DHX33: variants seen among roughly 807,000 people sequenced by gnomAD.
The protein encoded by DHX33 is DEAH-box helicase 33.
A neutral mutation model predicts 72.5 loss-of-function variants in DHX33; 42 were observed. The observed-to-expected ratio is 0.58, with a 90% CI of 0.45 to 0.75. The LOEUF (loss-of-function observed/expected upper bound fraction) is 0.75, where lower values mean the gene tolerates loss of function less well. DHX33 is among the 30% of genes least tolerant of loss of function. The pLI, the probability that DHX33 is intolerant of heterozygous loss-of-function variation, is 0.00. For synonymous variants in DHX33, 358 were observed against 366.1 expected, an observed-to-expected ratio of 0.98 and a Z score of 0.25; for missense variants, 842 against 917.5, an observed-to-expected ratio of 0.92 and a Z score of 1.06.
chr17:5,456,066 C>A lies in DHX33; in HGVS notation c.966G>T (p.Met322Ile). ...AKHLPDGCPA[M>I]LVLPLYASLP... ...GGGAGGCGTACAGAGGAAGGACCAG[C>A]ATCGCAGGGCAGCCGTCTGGGAGGT... Residue 322 changes from methionine to isoleucine, a missense_variant, in exon 5 of 12, where the codon ATG becomes ATT. Transcript: ENST00000225296. The A allele has an allele frequency of 6.2e-7, 1 of 1,613,730 alleles. No homozygotes were observed. Among genetic ancestry groups the A allele is most frequent in the Non-Finnish European group, 8.5e-7 (1 of 1,180,030 alleles).
intron 11 of DHX33, among the ~76,000 whole-genome samples, chr17:5,446,841 A>C (rs1488044496): frequency 6.6e-6 from 1 of 152,264 alleles, no homozygotes; most frequent in Non-Finnish European, 1.5e-5. Flanking sequence ...GAGAAAACTT[A>C]TGAAGCCAAG....
chr17:5,452,659 A>T (rs1916993149), intron 8 of DHX33, among the ~76,000 whole-genome samples: 1 of 152,224 alleles, frequency 6.6e-6, no homozygotes, highest in South Asian at 2.1e-4. Context: ...TTGAGGCTGC[A>T]GTGTGCTGAG....
chr17:5,456,015 G>A lies in DHX33; in HGVS notation c.1017C>T (p.Val339=). ...CACTCACCTTTGGGGCCCCTTGGAA[G>A]ACTCGGAGCTGCTGTGCATAGGGCA... ...ASLPYAQQLR[V]FQGAPKGYRK... The change falls in exon 5 of 12, where the codon GTC becomes GTT. Residue 339 remains valine, a synonymous_variant. Coordinates refer to ENST00000225296, the MANE Select transcript of DHX33 (RefSeq NM_020162.4). 1.9e-6 allele frequency: 3 copies of A among 1,612,542 alleles called. No individual in the cohort carries two copies. The highest frequency in any genetic ancestry group is 2.5e-6 in the Non-Finnish European group (3 of 1,179,942).
At chr17:5,462,765 C>T (rs746287652) in intron 2 of DHX33, among the ~76,000 whole-genome samples, 3 of 152,046 alleles carry the variant, frequency 2.0e-5, no homozygotes, top group Non-Finnish European at 4.4e-5. Flanking sequence ...TAAAATTAAC[C>T]TTCTACCTCA....
chr17:5,455,222 G>A lies in DHX33; in HGVS notation c.1085C>T (p.Thr362Ile). ...AACTACATATTTTATTCCTGTAATG[G>A]TTATGGAGGTTTCAGCGATGTTGGT... Reference protein sequence around the residue: ...ISTNIAETSITITGIKYVVDT... With the variant: ...ISTNIAETSIIITGIKYVVDT... Residue 362 changes from threonine to isoleucine, a missense_variant, in exon 6 of 12, where the codon ACC becomes ATC. Physicochemically the swap from Thr to Ile is moderately conservative, Grantham distance 89 (BLOSUM62 -1). Transcript: ENST00000225296. 6.2e-7 allele frequency: 1 copy of A among 1,614,144 alleles called. No individual in the cohort carries two copies. Among genetic ancestry groups the A allele is most frequent in the Non-Finnish European group, 8.5e-7 (1 of 1,180,032 alleles).
chr17:5,456,307 C>A, intron 4 of DHX33, 125 bp from the exon 5 acceptor site: 1 of 1,086,548 alleles, frequency 9.2e-7, no homozygotes, highest in Non-Finnish European at 1.3e-6. Flanking sequence ...GTAAATGAGC[C>A]TAAAAGTTGA....
At chr17:5,456,263 G>A in intron 4 of DHX33, 81 bp from the exon 5 acceptor site, 1 of 1,396,966 alleles carries the variant, frequency 7.2e-7, no homozygotes, top group South Asian at 1.3e-5. Flanking sequence ...GATTGATGAT[G>A]TTTCCCAGAG....
chr17:5,448,542 C>A (rs1216665627), intron 11 of DHX33, among the ~76,000 whole-genome samples: 1 of 152,054 alleles, frequency 6.6e-6, no homozygotes, highest in Non-Finnish European at 1.5e-5. Flanking sequence ...AATTCTAACA[C>A]TGGAAAATGC....
chr17:5,460,378 A>T (rs545873003), intron 4 of DHX33, among the ~76,000 whole-genome samples: 26 of 152,010 alleles, frequency 1.7e-4, no homozygotes, highest in African/African-American at 5.3e-4. Context: ...TAACATGAAA[A>T]TTTTCTGGCT....
At position 5,448,910 on chromosome 17, in the gene DHX33, G is replaced by T; in HGVS notation, c.1729-15C>A. 1 of 1,597,470 alleles carries T rather than the reference G, an allele frequency of 6.3e-7. No individual in the cohort carries two copies. The highest frequency in any genetic ancestry group is 1.3e-5 in the African/African-American group (1 of 74,638). ...TTGCACCAATCCTGAATAGGAGAAA[G>T]AGTGATATCACAATCCACTCATTCA... On this transcript the variant is annotated splice_polypyrimidine_tract_variant and intron_variant, in intron 10 of 11. Transcript: ENST00000225296.
chr17:5,450,422 T>C lies in DHX33; in HGVS notation c.1525-16A>G. ...TGAGGATGGTCTGCAAAGCAAAATTTAAAATTGTGTAAACCCAGCTTTCTC... is the reference window on the plus strand; with the variant it reads ...TGAGGATGGTCTGCAAAGCAAAATTCAAAATTGTGTAAACCCAGCTTTCTC... On this transcript the variant is annotated splice_polypyrimidine_tract_variant and intron_variant, in intron 9 of 11. Transcript: ENST00000225296. 6.2e-7 allele frequency: 1 copy of C among 1,611,544 alleles called. No individual in the cohort carries two copies. Among genetic ancestry groups the C allele is most frequent in the Non-Finnish European group, 8.5e-7 (1 of 1,177,908 alleles).
rs751338811 is a variant in DHX33 at position 5,444,190 on chromosome 17, G to T, written c.*15C>A. On this transcript the variant is annotated 3_prime_UTR_variant, in exon 12 of 12. Coordinates refer to ENST00000225296, the MANE Select transcript of DHX33 (RefSeq NM_020162.4). The surrounding 1 kb of genome is among the most constrained non-coding windows in gnomAD (Gnocchi z 4.9). ...CTCCCAGGGACCAGTGATTCTGGCG[G>T]CATCCTGGGGCGGCTCAGTTTCTGG... 1 of 1,605,706 alleles carries T rather than the reference G, an allele frequency of 6.2e-7. No individual in the cohort carries two copies. Among genetic ancestry groups the T allele is most frequent in the Non-Finnish European group, 8.5e-7 (1 of 1,174,112 alleles).
chr17:5,463,424 G>C (rs1597364664), intron 2 of DHX33, 105 bp downstream of exon 2: 1 of 1,193,840 alleles, frequency 8.4e-7, no homozygotes, highest in Non-Finnish European at 1.2e-6. Flanking sequence ...CAAGAAAGCA[G>C]CTCACTATGT....
chr17:5,447,472 A>C (rs1198857418), intron 11 of DHX33, among the ~76,000 whole-genome samples: 1 of 152,126 alleles, frequency 6.6e-6, no homozygotes, highest in African/African-American at 2.4e-5. Flanking sequence ...AAAATACAAA[A>C]TATTAGCCGG....
intron 9 of DHX33, 152 bp downstream of exon 9, chr17:5,450,655 T>C (rs1916862697): frequency 8.0e-7 from 1 of 1,254,098 alleles, no homozygotes; most frequent in Non-Finnish European, 1.1e-6. Context: ...AATCCCACAC[T>C]GAACATGAAT....
intron 4 of DHX33, among the ~76,000 whole-genome samples, chr17:5,456,870 G>A (rs554879287): frequency 8.5e-5 from 13 of 152,258 alleles, no homozygotes; most frequent in African/African-American, 2.6e-4. Flanking sequence ...AATGAATGAC[G>A]CCGTCGAAAG....
At position 5,450,199 on chromosome 17, in the gene DHX33, T is replaced by G. The variant is rs760052176; in HGVS notation, c.1728+4A>C. 1 of 1,614,140 alleles carries G rather than the reference T, an allele frequency of 6.2e-7. No individual in the cohort carries two copies. Among genetic ancestry groups the G allele is most frequent in the East Asian group, 2.2e-5 (1 of 44,884 alleles). On this transcript the variant is annotated splice_donor_region_variant and intron_variant, in intron 10 of 11. Coordinates refer to ENST00000225296, the MANE Select transcript of DHX33 (RefSeq NM_020162.4). ...CTGGAGAACAGGTGCAAGACAAGGC[T>G]CACCTTATTTCCGCCTAGGTTTTTG... is the stretch of plus-strand genomic sequence containing the variant.
chr17:5,444,892 T>C lies in DHX33; in HGVS notation c.1816-379A>G, dbSNP rs1400565880. On this transcript the variant is annotated intron_variant, in intron 11 of 11. Transcript: ENST00000225296. The surrounding 1 kb of genome is among the most constrained non-coding windows in gnomAD (Gnocchi z 4.9). Reference sequence around the variant, plus strand: ...CCATCTCACCATCTCCTCACTCCGATTCACCCACCTGCTGCTGCCAAGCTA... The same window carrying C: ...CCATCTCACCATCTCCTCACTCCGACTCACCCACCTGCTGCTGCCAAGCTA... 6.6e-6 allele frequency among the ~76,000 whole-genome samples: 1 copy of C among 152,154 alleles called. No individual in the cohort carries two copies. The highest frequency in any genetic ancestry group is 1.5e-5 in the Non-Finnish European group (1 of 67,998).
intron 4 of DHX33, 114 bp from the exon 5 acceptor site, chr17:5,456,296 T>A: frequency 2.6e-6 from 3 of 1,167,968 alleles, no homozygotes; most frequent in Non-Finnish European, 3.7e-6. Context: ...ACTATAGAAA[T>A]GTAAATGAGC....
Sources: allele counts gnomAD v4.1 joint callset (sites outside exome capture counted in the v4.1 genomes callset), GRCh38; gene constraint gnomAD v4.1.1; non-coding constraint Gnocchi (gnomAD v3.1); transcripts MANE v1.5; gene names NCBI Gene and HGNC (gene_info 2026-07-23, HGNC 2026-07-21).